ACVR1C: variants seen among roughly 807,000 people sequenced by gnomAD.
ACVR1C encodes activin receptor type-1C.
ACVR1C carries 23 observed loss-of-function variants against 57.9 expected under a neutral mutation model. That is an observed-to-expected ratio of 0.40 (90% CI 0.29 to 0.56). The LOEUF is 0.56. ACVR1C is among the 20% of genes least tolerant of loss of function. The pLI is 0.50. For missense variants in ACVR1C, 480 were observed against 607.9 expected, an observed-to-expected ratio of 0.79 and a Z score of 2.21; for synonymous variants, 214 against 215.3, an observed-to-expected ratio of 0.99 and a Z score of 0.05.
intron 3 of ACVR1C, 140 bp downstream of exon 3, chr2:157,555,953 G>T (rs1443199678): frequency 3.1e-6 from 3 of 983,482 alleles, no homozygotes; most frequent in African/African-American, 3.3e-5. Context: ...GGTACTAAAA[G>T]GAGTTCCTAT....
intron 1 of ACVR1C, among the ~76,000 whole-genome samples, chr2:157,613,032 T>C (rs562551379): frequency 6.6e-6 from 1 of 152,324 alleles, no homozygotes; most frequent in African/African-American, 2.4e-5. Context: ...GTCTAAGGGT[T>C]CATACAGGTA....
intron 2 of ACVR1C, among the ~76,000 whole-genome samples, chr2:157,576,837 T>TAACGAGAATATA (rs1558984202): frequency 2.0e-5 from 1 of 49,962 alleles, no homozygotes; most frequent in African/African-American, 1.3e-4. Context: ...GAAATTTTCT[T>TAACGAGAATATA]TTTTTTTTTT....
chr2:157,628,649 A>C lies in ACVR1C; in HGVS notation c.-5T>G. On this transcript the variant is annotated 5_prime_UTR_variant, in exon 1 of 9. Transcript: ENST00000243349. Reference sequence around the variant, plus strand: ...TGAGCAGAGCGCCCGGGTCATCGCCACCAGGCGGCCGCGCCGGGGCTGCGA... The same window carrying C: ...TGAGCAGAGCGCCCGGGTCATCGCCCCCAGGCGGCCGCGCCGGGGCTGCGA... The C allele has an allele frequency of 6.4e-7, 1 of 1,569,914 alleles. No homozygotes were observed. Among genetic ancestry groups the C allele is most frequent in the Non-Finnish European group, 8.6e-7 (1 of 1,159,712 alleles).
At chr2:157,563,988 TGTAAAA>T (rs1218085958) in intron 2 of ACVR1C, among the ~76,000 whole-genome samples, 1 of 152,162 alleles carries the variant, frequency 6.6e-6, no homozygotes, top group African/African-American at 2.4e-5. Flanking sequence ...AAGGCTTAAA[TGTAAAA>T]CCAAAAACCA....
intron 4 of ACVR1C, among the ~76,000 whole-genome samples, chr2:157,546,040 C>A (rs921775995): frequency 6.6e-6 from 1 of 152,168 alleles, no homozygotes; most frequent in African/African-American, 2.4e-5. Flanking sequence ...CCTTGGCCTC[C>A]CGAAGTGCTG....
intron 2 of ACVR1C, among the ~76,000 whole-genome samples, chr2:157,559,053 C>T (rs1688174517): frequency 6.6e-6 from 1 of 152,146 alleles, no homozygotes; most frequent in Non-Finnish European, 1.5e-5. Context: ...TTAGCATTAA[C>T]AAGCTTATTG....
rs114583603 is a variant in ACVR1C at position 157,556,112 on chromosome 2, G to A, written c.525C>T (p.Thr175=). The A allele has an allele frequency of 3.0e-4, 488 of 1,613,944 alleles. 5 individuals are homozygous for A. The African/African-American group carries it at 5.1e-3, about 17-fold the overall frequency. ...ACATACCAGAGCCAGATCCAGAGGC[G>A]GTCACATCATAAATCAGATCTTTCA... The part of the protein sequence containing the change: ...KTLKDLIYDV[T]ASGSGSGLPL... The change falls in exon 3 of 9, where the codon ACC becomes ACT. Residue 175 remains threonine (T), a synonymous_variant. Transcript: ENST00000243349.
At chr2:157,606,129 G>T (rs567291737) in intron 1 of ACVR1C, among the ~76,000 whole-genome samples, 32 of 151,728 alleles carry the variant, frequency 2.1e-4, no homozygotes, top group Admixed American at 5.9e-4. Context: ...AAATAACATG[G>T]TTACATTCTG....
At chr2:157,620,258 A>C (rs1682741544) in intron 1 of ACVR1C, among the ~76,000 whole-genome samples, 1 of 152,104 alleles carries the variant, frequency 6.6e-6, no homozygotes, top group African/African-American at 2.4e-5. Flanking sequence ...AATTTTGTGT[A>C]ATGTCTATTT....
intron 1 of ACVR1C, among the ~76,000 whole-genome samples, chr2:157,615,098 T>G (rs1558997848): frequency 6.6e-6 from 1 of 152,184 alleles, no homozygotes; most frequent in African/African-American, 2.4e-5. Flanking sequence ...TGCTTTTGGA[T>G]TAATTGAATA....
intron 1 of ACVR1C, among the ~76,000 whole-genome samples, chr2:157,603,433 A>T (rs1055976162): frequency 6.6e-6 from 1 of 152,174 alleles, no homozygotes; most frequent in Admixed American, 6.5e-5. Flanking sequence ...TAGGTTTGTT[A>T]ACACATTAAT....
chr2:157,563,143 TA>T (rs1299912258), intron 2 of ACVR1C, among the ~76,000 whole-genome samples: 1 of 152,090 alleles, frequency 6.6e-6, no homozygotes, highest in East Asian at 1.9e-4. Context: ...CAGAAGGAAA[TA>T]AAGCGTATTC....
At chr2:157,596,442 A>G (rs1002546306) in intron 1 of ACVR1C, among the ~76,000 whole-genome samples, 2 of 152,158 alleles carry the variant, frequency 1.3e-5, no homozygotes, top group African/African-American at 4.8e-5. Flanking sequence ...CCCCCGAACC[A>G]CTAATGTATA....
At chr2:157,597,495 C>T in intron 1 of ACVR1C, 1 of 985,430 alleles carries the variant, frequency 1.0e-6, no homozygotes, top group Non-Finnish European at 1.2e-6. Context: ...TGGACCTTGG[C>T]GCAGTGAATT....
intron 1 of ACVR1C, among the ~76,000 whole-genome samples, chr2:157,613,804 C>A (rs1367684547): frequency 1.3e-5 from 2 of 152,106 alleles, no homozygotes; most frequent in Non-Finnish European, 2.9e-5. Context: ...ATGAGAGATA[C>A]TGGTCTATAG....
At chr2:157,555,370 C>T (rs958272201) in intron 3 of ACVR1C, among the ~76,000 whole-genome samples, 7 of 151,942 alleles carry the variant, frequency 4.6e-5, no homozygotes, top group Admixed American at 6.6e-5. Context: ...CCACCCGCCT[C>T]GGCCTCCCAA....
chr2:157,621,088 T>C (rs1682761078), intron 1 of ACVR1C, among the ~76,000 whole-genome samples: 1 of 152,168 alleles, frequency 6.6e-6, no homozygotes, highest in African/African-American at 2.4e-5. Context: ...CAAATTTAAA[T>C]TGTTTTAAAA....
At chr2:157,563,325 T>C (rs955144967) in intron 2 of ACVR1C, among the ~76,000 whole-genome samples, 2 of 151,818 alleles carry the variant, frequency 1.3e-5, no homozygotes, top group Non-Finnish European at 2.9e-5. Context: ...ATGCCAACAA[T>C]AGACAAGCAG....
chr2:157,549,350 G>C (rs1304347128), intron 4 of ACVR1C, among the ~76,000 whole-genome samples: 1 of 152,136 alleles, frequency 6.6e-6, no homozygotes, highest in East Asian at 1.9e-4. Context: ...GGGCAACATA[G>C]TGAGACTCTG....
Sources: gnomAD v4.1 joint callset for allele counts (sites outside exome capture counted in the v4.1 genomes callset) on GRCh38, gnomAD v4.1.1 for gene constraint, MANE v1.5 for transcripts, NCBI Gene and HGNC (gene_info 2026-07-23, HGNC 2026-07-21) for gene names.